PTPRA: variants seen among roughly 807,000 people sequenced by gnomAD.
PTPRA encodes the protein receptor-type tyrosine-protein phosphatase alpha.
PTPRA carries 25 observed loss-of-function variants against 104.8 expected under a neutral mutation model. The ratio of observed to expected loss-of-function variants is 0.24; its 90% confidence interval spans 0.17 to 0.33. PTPRA has a LOEUF of 0.33. Ranked by LOEUF, PTPRA falls within the 10% of genes least tolerant of loss-of-function variation. The pLI, the probability that PTPRA is intolerant of heterozygous loss-of-function variation, is 1.00. For synonymous variants in PTPRA, 323 were observed against 368.9 expected, an observed-to-expected ratio of 0.88 and a Z score of 1.43; for missense variants, 765 against 1,015.3, an observed-to-expected ratio of 0.75 and a Z score of 3.35.
intron 18 of PTPRA, 108 bp downstream of exon 18, chr20:3,026,888 A>G: frequency 9.3e-7 from 1 of 1,069,836 alleles, no homozygotes; most frequent in Non-Finnish European, 1.4e-6. Flanking sequence ...GACAAGAATC[A>G]TGGCATTGCC....
chr20:2,994,894 C>T (rs1368119348), intron 9 of PTPRA, among the ~76,000 whole-genome samples: 2 of 152,214 alleles, frequency 1.3e-5, no homozygotes, highest in Non-Finnish European at 2.9e-5. Context: ...CTTTGGGAGG[C>T]TGAGGCAGGC....
At chr20:3,027,592 G>A in intron 19 of PTPRA, 115 bp from the exon 20 acceptor site, 2 of 1,392,316 alleles carry the variant, frequency 1.4e-6, no homozygotes, top group Non-Finnish European at 1.9e-6. Context: ...GGGGAGCTCT[G>A]CATGGGCTGA....
chr20:3,020,073 G>A (rs1194213018), intron 13 of PTPRA, among the ~76,000 whole-genome samples: 1 of 152,028 alleles, frequency 6.6e-6, no homozygotes, highest in African/African-American at 2.4e-5. Context: ...GGAAAGAGAG[G>A]GAGAGGGAGA....
At chr20:3,029,155 G>A (rs567332804) in intron 20 of PTPRA, among the ~76,000 whole-genome samples, 1 of 132,560 alleles carries the variant, frequency 7.5e-6, no homozygotes, top group Non-Finnish European at 1.6e-5. Flanking sequence ...TTGTTTGTTT[G>A]TTTGAGAGAG....
intron 2 of PTPRA, among the ~76,000 whole-genome samples, chr20:2,945,126 C>A (rs985716992): frequency 1.3e-5 from 2 of 152,122 alleles, no homozygotes; most frequent in Non-Finnish European, 2.9e-5. Flanking sequence ...ATTCTCTCTT[C>A]AGGTATATTT....
At chr20:2,949,419 T>C (rs908274629) in intron 3 of PTPRA, among the ~76,000 whole-genome samples, 2 of 151,984 alleles carry the variant, frequency 1.3e-5, no homozygotes, top group Non-Finnish European at 2.9e-5. Context: ...CTGCAAGTAT[T>C]AGTCTCCTTT....
chr20:2,969,172 C>T (rs947344650), intron 5 of PTPRA, among the ~76,000 whole-genome samples: 2 of 150,964 alleles, frequency 1.3e-5, no homozygotes, highest in Admixed American at 1.3e-4. Context: ...AGTCCCTGCA[C>T]TATAGCCTGG....
At chr20:2,909,074 C>G (rs1016753) in intron 1 of PTPRA, among the ~76,000 whole-genome samples, 6,480 of 152,118 alleles carry the variant, frequency 0.043, 318 homozygotes, top group Admixed American at 0.11. Context: ...CAGAACACAT[C>G]AAAAAGCAGT....
At chr20:3,020,676 C>T (rs1352519193) in intron 13 of PTPRA, among the ~76,000 whole-genome samples, 2 of 152,210 alleles carry the variant, frequency 1.3e-5, no homozygotes, top group African/African-American at 2.4e-5. Context: ...CGAGCCCCAG[C>T]GAGGAATACC....
intron 13 of PTPRA, among the ~76,000 whole-genome samples, chr20:3,019,649 G>A (rs2064741224): frequency 6.6e-6 from 1 of 152,006 alleles, no homozygotes; most frequent in Admixed American, 6.5e-5. Context: ...GGGCAGAGAC[G>A]CTCCTCACTT....
intron 12 of PTPRA, among the ~76,000 whole-genome samples, chr20:3,017,237 CTGGCAGAGTTATCATTCTA>C (rs2064511863): frequency 6.6e-6 from 1 of 152,192 alleles, no homozygotes; most frequent in Non-Finnish European, 1.5e-5. Flanking sequence ...TCTCTATCCT[CTGGCAGAGTTATCATTCTA>C]AGACCAGTAC....
chr20:2,943,159 C>T (rs1254679732), intron 2 of PTPRA, among the ~76,000 whole-genome samples: 1 of 150,702 alleles, frequency 6.6e-6, no homozygotes, highest in Non-Finnish European at 1.5e-5. Context: ...ACGTAGGGTT[C>T]AGTACCATCT....
chr20:2,894,608 A>AT (rs11479678), intron 1 of PTPRA, among the ~76,000 whole-genome samples: 23,334 of 147,866 alleles, frequency 0.16, 2,144 homozygotes, highest in South Asian at 0.31. Context: ...GTGCTGGCCA[A>AT]TTTTTTTTTT....
chr20:2,866,555 C>A, the PTPRA span: 27 of 1,614,036 alleles, frequency 1.7e-5, no homozygotes, highest in Middle Eastern at 3.3e-4. Flanking sequence ...CGGGCCAGGG[C>A]ACAAGCCCAG....
At chr20:2,968,709 T>G (rs1352953722) in intron 5 of PTPRA, among the ~76,000 whole-genome samples, 3 of 147,024 alleles carry the variant, frequency 2.0e-5, no homozygotes, top group Non-Finnish European at 3.0e-5. Context: ...AGCCCGGGAG[T>G]TTGAGACCAG....
At chr20:2,910,413 T>TTATATATTTTA (rs2059656525) in intron 1 of PTPRA, among the ~76,000 whole-genome samples, 1 of 131,974 alleles carries the variant, frequency 7.6e-6, no homozygotes. Flanking sequence ...ATTTTGTATA[T>TTATATATTTTA]TATATAATAT....
At chr20:2,988,729 G>A (rs572234900) in intron 9 of PTPRA, among the ~76,000 whole-genome samples, 1 of 152,290 alleles carries the variant, frequency 6.6e-6, no homozygotes, top group East Asian at 1.9e-4. Flanking sequence ...TAAATACTTA[G>A]CAAGCATCTA....
chr20:2,893,615 G>A (rs992392372), intron 1 of PTPRA, among the ~76,000 whole-genome samples: 12 of 152,126 alleles, frequency 7.9e-5, no homozygotes, highest in African/African-American at 2.9e-4. Flanking sequence ...AATGGTATAT[G>A]GATCTGTTTT....
chr20:2,993,240 G>T (rs1339954250), intron 9 of PTPRA, among the ~76,000 whole-genome samples: 1 of 152,212 alleles, frequency 6.6e-6, no homozygotes, highest in Non-Finnish European at 1.5e-5. Context: ...GAGAGGGGTG[G>T]TGGGGCAAGG....
Sources: gnomAD v4.1 joint callset for allele counts (sites outside exome capture counted in the v4.1 genomes callset) on GRCh38, gnomAD v4.1.1 for gene constraint, MANE v1.5 for transcripts, NCBI Gene and HGNC (gene_info 2026-07-23, HGNC 2026-07-21) for gene names.